Variants in PINLYP observed in about 807,000 individuals in gnomAD.
The protein encoded by PINLYP is phospholipase A2 inhibitor and LY6/PLAUR domain containing, also known as phospholipase A2 inhibitor and Ly6/PLAUR domain-containing protein.
Under a neutral mutation model 15.8 loss-of-function variants are expected in PINLYP, and 12 were observed. The observed-to-expected ratio is 0.76, with a 90% confidence interval of 0.49 to 1.23. The LOEUF is 1.23. PINLYP is among the 50% of genes most tolerant of loss of function. The pLI, the probability that PINLYP is intolerant of heterozygous loss-of-function variation, is 0.00. For missense variants in PINLYP, 278 were observed against 264.2 expected (o/e 1.05, Z -0.36); for synonymous variants, 93 against 97.7 (o/e 0.95, Z 0.28).
At chr19:43,577,196 G>A in exon 2 of PINLYP, 3 of 1,536,104 alleles carry the variant, frequency 2.0e-6, no homozygotes, top group South Asian at 1.2e-5. Flanking sequence ...CACACCATGA[G>A]GCTCTCCAGG....
chr19:43,581,391 T>C, intron 4 of PINLYP, 27 bp downstream of exon 4: 1 of 1,536,122 alleles, frequency 6.5e-7, no homozygotes, highest in Non-Finnish European at 8.7e-7. Context: ...GTGTGGTGTG[T>C]GCTCTGGCTC....
At chr19:43,578,992 G>C in intron 3 of PINLYP, 1 of 347,022 alleles carries the variant, frequency 2.9e-6, no homozygotes, top group Non-Finnish European at 5.6e-6. Context: ...CAGAAGAGGG[G>C]TAAGGAAAGA....
chr19:43,576,980 C>T, intron 1 of PINLYP, 61 bp downstream of exon 1: 8 of 814,296 alleles, frequency 9.8e-6, no homozygotes, highest in Non-Finnish European at 1.5e-5. Flanking sequence ...GAAGCCCAGA[C>T]TCCTGGGGTC....
chr19:43,581,331 C>T lies in PINLYP; in HGVS notation c.307C>T (p.Gln103Ter). 1.3e-6 allele frequency: 2 copies of T among 1,536,898 alleles called. No homozygotes were observed. Among genetic ancestry groups the T allele is most frequent in the South Asian group, 2.4e-5 (2 of 84,062 alleles). ...CATGGTAACCAGCTCCTTCTGCTGC[C>T]AGAGCGACGGCTGCAACAGTGCCTT... Residue 103 changes from glutamine to a stop codon, truncating the protein, a stop_gained, in exon 4 of 6, where the codon CAG becomes TAG. Transcript: ENST00000599207. LOFTEE classifies it high-confidence loss of function.
At chr19:43,577,375 A>C (rs1372459375) in intron 2 of PINLYP, 114 bp downstream of exon 2, 1 of 1,109,094 alleles carries the variant, frequency 9.0e-7, no homozygotes, top group Non-Finnish European at 1.2e-6. Context: ...CTCAAGGTGA[A>C]CGGGGAGGCA....
chr19:43,578,565 G>A (rs1204890142), intron 2 of PINLYP, 25 bp from the exon 3 acceptor site: 4 of 1,516,798 alleles, frequency 2.6e-6, no homozygotes, highest in Non-Finnish European at 2.7e-6. Context: ...CATGACTACA[G>A]CCTCGCCCTC....
chr19:43,581,076 G>T, intron 3 of PINLYP, 136 bp from the exon 4 acceptor site: 3 of 1,071,592 alleles, frequency 2.8e-6, no homozygotes, highest in South Asian at 3.7e-5. Flanking sequence ...AATAAGAAAA[G>T]AAAGAAAAAA....
At chr19:43,577,147 G>A (rs747691930) in exon 2 of PINLYP, 1 of 1,536,000 alleles carries the variant, frequency 6.5e-7, no homozygotes, top group South Asian at 1.2e-5. Context: ...CCCCTCCTCA[G>A]CTTCCTATAA....
In PINLYP at chr19:43,577,262, G is replaced by T. The variant is rs1223372689; in HGVS notation, c.70+1G>T. ...TTGCTCTGCACCCTCCTGGGTCTTGGTAAGTGACAAGGGACCTGAACTGTC... is the reference window on the plus strand; with the variant it reads ...TTGCTCTGCACCCTCCTGGGTCTTGTTAAGTGACAAGGGACCTGAACTGTC... On this transcript the variant is annotated splice_donor_variant, in intron 2 of 5. Coordinates refer to ENST00000599207, the Ensembl canonical transcript of PINLYP. LOFTEE classifies it high-confidence loss of function. 6.5e-7 allele frequency: 1 copy of T among 1,535,734 alleles called. No individual in the cohort carries two copies. The highest frequency in any genetic ancestry group is 2.4e-5 in the East Asian group (1 of 40,904).
At chr19:43,580,479 G>C (rs1177609151) in intron 3 of PINLYP, 3 of 965,272 alleles carry the variant, frequency 3.1e-6, no homozygotes, top group Non-Finnish European at 3.7e-6. Context: ...TGGGACCGGG[G>C]TTCATTGGAA....
rs35908249 is a variant in PINLYP at position 43,576,908 on chromosome 19, G to GGCCA, written c.-86_-85insAGCC. ...TCAAGCAAACAAACAAACAACAATG[G>GGCCA]GCCGTGGGAAGGTGAGAAAACAGGG... On this transcript the variant is annotated 5_prime_UTR_variant, in exon 1 of 6. The change abolishes the stop of an existing upstream ORF in the 5' untranslated region. Coordinates refer to ENST00000599207, the Ensembl canonical transcript of PINLYP. 1.5e-5 allele frequency: 5 copies of GGCCA among 332,146 alleles called. No homozygotes were observed. In the African/African-American group the frequency reaches 2.1e-4, roughly 14 times the overall value. The allele number at this position is 332,146 out of a possible 1,614,324, so 20.6% of individuals were successfully genotyped here. A position where few individuals can be genotyped will look rare whatever the true frequency, so the allele number is the denominator to read the frequency against.
intron 2 of PINLYP, 128 bp from the exon 3 acceptor site, chr19:43,578,462 T>A (rs1368732166): frequency 8.3e-6 from 5 of 605,260 alleles, no homozygotes; most frequent in Non-Finnish European, 1.4e-5. Flanking sequence ...GTGGTCAACA[T>A]CCCGCCCATG....
chr19:43,581,026 G>C, intron 3 of PINLYP, 186 bp from the exon 4 acceptor site: 1 of 658,932 alleles, frequency 1.5e-6, no homozygotes, highest in Non-Finnish European at 2.4e-6. Flanking sequence ...AGCCAAGATC[G>C]CGCCATTGCA....
intron 3 of PINLYP, 131 bp from the exon 4 acceptor site, chr19:43,581,080 GA>G (rs199659802): frequency 9.3e-6 from 10 of 1,072,650 alleles, no homozygotes; most frequent in South Asian, 3.7e-5. Flanking sequence ...AGAAAAGAAA[GA>G]AAAAAAAGAA....
exon 4 of PINLYP, chr19:43,581,353 C>T: frequency 2.0e-6 from 3 of 1,536,696 alleles, no homozygotes; most frequent in Non-Finnish European, 2.6e-6. Flanking sequence ...TGCAACAGTG[C>T]CTTTTTGTCT....
intron 4 of PINLYP, 79 bp from the exon 5 acceptor site, chr19:43,581,484 G>A: frequency 1.3e-6 from 2 of 1,507,716 alleles, no homozygotes; most frequent in Non-Finnish European, 1.8e-6. Flanking sequence ...AGCAACCCTG[G>A]TGTTTCCCGG....
At position 43,577,110 on chromosome 19, in the gene PINLYP, C is replaced by T. The variant is rs531187406; in HGVS notation, c.-77-5C>T. ...GGTTCTGACCTCAGCTATTTCTCCC[C>T]GTAGGGTGAATGTGGGTCCAGACCC... On this transcript the variant is annotated splice_polypyrimidine_tract_variant and splice_region_variant and intron_variant, in intron 1 of 5. Coordinates refer to ENST00000599207, the Ensembl canonical transcript of PINLYP. 1.0e-4 allele frequency: 153 copies of T among 1,535,262 alleles called. 1 individual carries two copies. The South Asian group carries it at 1.6e-3, about 16-fold the overall frequency.
In PINLYP at chr19:43,576,809, G is replaced by T. The variant is rs1453099648; in HGVS notation, c.-188G>T. On this transcript the variant is annotated 5_prime_UTR_variant, in exon 1 of 6. It introduces an in-frame stop codon into an upstream open reading frame of the 5' UTR. Coordinates refer to ENST00000599207, the Ensembl canonical transcript of PINLYP. ...TGGGTGCTTCCTTGGGAGGAGAGGG[G>T]AAGAGAGAGAAGGAGAGGGAATCCC... 2.6e-5 allele frequency: 6 copies of T among 230,916 alleles called. No individual in the cohort carries two copies. The highest frequency in any genetic ancestry group is 6.6e-5 in the South Asian group (1 of 15,042). 14.3% of individuals were successfully genotyped at this position (230,916 alleles called of 1,614,324 possible).
At chr19:43,577,863 G>T (rs1304405411) in intron 2 of PINLYP, among the ~76,000 whole-genome samples, 1 of 152,094 alleles carries the variant, frequency 6.6e-6, no homozygotes, top group Non-Finnish European at 1.5e-5. Context: ...CCAAGATCGT[G>T]CCACTGCACT....
Sources: gnomAD v4.1 joint callset for allele counts (sites outside exome capture counted in the v4.1 genomes callset) on GRCh38, gnomAD v4.1.1 for gene constraint, MANE v1.5 for transcripts, NCBI Gene and HGNC (gene_info 2026-07-23, HGNC 2026-07-21) for gene names.